Variants in AHCYL2 observed in about 807,000 individuals in gnomAD.
AHCYL2 encodes adenosylhomocysteinase like 2.
In AHCYL2, 28 loss-of-function variants were observed where a neutral mutation model predicts 81.4. The ratio of observed to expected loss-of-function variants is 0.34; its 90% confidence interval spans 0.25 to 0.47. The LOEUF is 0.47. Ranked by LOEUF, AHCYL2 falls within the 20% of genes least tolerant of loss-of-function variation. The probability of loss-of-function intolerance (pLI) is 1.00; values close to 1 mark genes in which losing one functional copy is unlikely to be tolerated. For missense variants in AHCYL2, 551 were observed against 785.1 expected, an observed-to-expected ratio of 0.70 and a Z score of 3.56; for synonymous variants, 272 against 290.2, an observed-to-expected ratio of 0.94 and a Z score of 0.64.
intron 2 of AHCYL2, among the ~76,000 whole-genome samples, chr7:129,384,357 A>G (rs558402549): frequency 6.7e-6 from 1 of 150,192 alleles, no homozygotes; most frequent in African/African-American, 2.4e-5. Context: ...TTTCCTTTCT[A>G]TTTAAATGCA....
chr7:129,299,851 G>A (rs1797197587), intron 1 of AHCYL2, among the ~76,000 whole-genome samples: 1 of 152,174 alleles, frequency 6.6e-6, no homozygotes, highest in Non-Finnish European at 1.5e-5. Context: ...ATGACCTGTT[G>A]TGGTTTGATT....
rs1584700127 is a variant in AHCYL2, at chr7:129,246,111, T to C, written c.363+20672T>C. Among the ~76,000 whole-genome samples, 5 of 151,564 alleles carry C rather than the reference T, an allele frequency of 3.3e-5. No individual in the cohort carries two copies. In the South Asian group the frequency reaches 1.0e-3, roughly 32 times the overall value. ...TTTCACTCTTGTTGCCCAGGATGAGTGCAATGATGCGATCTTGGCTCACTG... is the reference window on the plus strand; with the variant it reads ...TTTCACTCTTGTTGCCCAGGATGAGCGCAATGATGCGATCTTGGCTCACTG... On this transcript the variant is annotated intron_variant, in intron 1 of 16. Coordinates refer to ENST00000325006, the MANE Select transcript of AHCYL2 (RefSeq NM_015328.4).
At chr7:129,299,369 G>GGTTTTTTTTTTTTTTTTTT (rs1797173366) in intron 1 of AHCYL2, among the ~76,000 whole-genome samples, 1 of 46,278 alleles carries the variant, frequency 2.2e-5, no homozygotes, top group Non-Finnish European at 3.8e-5. Context: ...AGTCCAACTT[G>GGTTTTTTTTTTTTTTTTTT]TTTTTTTTTT....
At chr7:129,425,519 C>A (rs922500640) in intron 15 of AHCYL2, among the ~76,000 whole-genome samples, 2 of 152,216 alleles carry the variant, frequency 1.3e-5, no homozygotes, top group Admixed American at 1.3e-4. Flanking sequence ...TAGCCCCTAC[C>A]AAACTTTTCT....
At chr7:129,409,301 G>A (rs113101965) in intron 10 of AHCYL2, among the ~76,000 whole-genome samples, 175 bp from the exon 11 acceptor site, 8 of 152,272 alleles carry the variant, frequency 5.3e-5, no homozygotes, top group African/African-American at 1.7e-4. Context: ...TGATGCAAAC[G>A]AACCTTTTAT....
intron 1 of AHCYL2, chr7:129,377,771 T>C (rs930519118): frequency 5.4e-6 from 2 of 373,490 alleles, no homozygotes; most frequent in Non-Finnish European, 1.1e-5. Context: ...CAAACAAGTA[T>C]AGCTTACAAG....
chr7:129,279,942 T>C (rs1796370805), intron 1 of AHCYL2, among the ~76,000 whole-genome samples: 1 of 152,178 alleles, frequency 6.6e-6, no homozygotes, highest in Admixed American at 6.5e-5. Context: ...CATCCTGTTT[T>C]ATCAGTGGTG....
intron 1 of AHCYL2, among the ~76,000 whole-genome samples, chr7:129,373,443 C>CA (rs1222861522): frequency 2.0e-5 from 3 of 151,436 alleles, no homozygotes; most frequent in Non-Finnish European, 4.4e-5. Context: ...AACAAAAAAG[C>CA]AAAAAAACTA....
chr7:129,344,019 T>G (rs946861281), intron 1 of AHCYL2, among the ~76,000 whole-genome samples: 1 of 152,096 alleles, frequency 6.6e-6, no homozygotes, highest in African/African-American at 2.4e-5. Context: ...ATATGAATGC[T>G]AATAAGCATA....
In AHCYL2 at chr7:129,326,712, G is replaced by A. The variant is rs560156262; in HGVS notation, c.364-52926G>A. Among the ~76,000 whole-genome samples, 34 of 152,058 alleles carry A rather than the reference G, an allele frequency of 2.2e-4. No homozygotes were observed. The South Asian group carries it at 6.7e-3, about 30-fold the overall frequency. On this transcript the variant is annotated intron_variant, in intron 1 of 16. Transcript: ENST00000325006. ...GAAACTCACCATATGAAGAATAGGG[G>A]AAATAATTACAAGCAGAATGAACTG... is the stretch of plus-strand genomic sequence containing the variant.
intron 1 of AHCYL2, among the ~76,000 whole-genome samples, chr7:129,229,526 T>C (rs1794345856): frequency 6.6e-6 from 1 of 152,204 alleles, no homozygotes; most frequent in Admixed American, 6.5e-5. Context: ...AGAACTTAAA[T>C]CCAGGGCTGT....
chr7:129,296,555 T>A (rs1797056907), intron 1 of AHCYL2, among the ~76,000 whole-genome samples: 1 of 151,948 alleles, frequency 6.6e-6, no homozygotes, highest in Non-Finnish European at 1.5e-5. Flanking sequence ...CTTAAAAAAA[T>A]TAAAAAATTA....
chr7:129,262,966 G>T (rs559195376), intron 1 of AHCYL2, among the ~76,000 whole-genome samples: 110 of 152,302 alleles, frequency 7.2e-4, no homozygotes, highest in Non-Finnish European at 1.2e-3. Flanking sequence ...AAATGAGGCT[G>T]GAGGTGGGAC....
At chr7:129,317,636 T>C (rs142663409) in intron 1 of AHCYL2, among the ~76,000 whole-genome samples, 51 of 152,268 alleles carry the variant, frequency 3.3e-4, no homozygotes, top group Non-Finnish European at 6.6e-4. Context: ...GCTCAGTCAC[T>C]GGCTGGGAGC....
chr7:129,394,505 C>T (rs1209835549), intron 4 of AHCYL2, among the ~76,000 whole-genome samples: 1 of 124,896 alleles, frequency 8.0e-6, no homozygotes, highest in Non-Finnish European at 1.6e-5. Flanking sequence ...TGGAGTGCAA[C>T]GGTGCAATCT....
At chr7:129,285,536 GA>G (rs1004161382) in intron 1 of AHCYL2, among the ~76,000 whole-genome samples, 1 of 151,556 alleles carries the variant, frequency 6.6e-6, no homozygotes, top group African/African-American at 2.4e-5. Context: ...AGTTGGAAAA[GA>G]AAAAAAGGTA....
At chr7:129,239,844 A>G (rs1794780693) in intron 1 of AHCYL2, among the ~76,000 whole-genome samples, 1 of 151,354 alleles carries the variant, frequency 6.6e-6, no homozygotes, top group African/African-American at 2.4e-5. Flanking sequence ...CTTCCCCCAT[A>G]TATACATAAC....
At chr7:129,336,832 A>G (rs969903445) in intron 1 of AHCYL2, among the ~76,000 whole-genome samples, 11 of 152,008 alleles carry the variant, frequency 7.2e-5, no homozygotes, top group African/African-American at 2.7e-4. Context: ...CTGTAGCCGC[A>G]ATCCCCTGAG....
chr7:129,378,532 G>A (rs1794800588), intron 1 of AHCYL2, among the ~76,000 whole-genome samples: 1 of 152,106 alleles, frequency 6.6e-6, no homozygotes, highest in Non-Finnish European at 1.5e-5. Flanking sequence ...TTTTATCTCT[G>A]TTGTATTTAT....
Sources: allele counts gnomAD v4.1 joint callset (sites outside exome capture counted in the v4.1 genomes callset), GRCh38; gene constraint gnomAD v4.1.1; transcripts MANE v1.5; gene names NCBI Gene and HGNC (gene_info 2026-07-23, HGNC 2026-07-21).